The following EVPL variants were observed in gnomAD, a reference collection of about 807,000 sequenced individuals.
The protein encoded by EVPL is envoplakin.
In EVPL, 94 loss-of-function variants were observed where a neutral mutation model predicts 129.7. The observed-to-expected ratio is 0.72, with a 90% CI of 0.61 to 0.86. The LOEUF is 0.86. Ranked by LOEUF, EVPL falls within the 40% of genes least tolerant of loss-of-function variation. The pLI is 0.00. For missense variants in EVPL, 2,625 were observed against 2,721.1 expected (o/e 0.96, Z 0.79); for synonymous variants, 1,172 against 1,191.1 (o/e 0.98, Z 0.33).
chr17:76,015,941 C>A (rs1323021526), intron 14 of EVPL, among the ~76,000 whole-genome samples: 1 of 151,972 alleles, frequency 6.6e-6, no homozygotes, highest in Non-Finnish European at 1.5e-5. Flanking sequence ...GTCAGGAGAT[C>A]GAGACCAGCC....
chr17:76,021,258 G>C (rs994361273), intron 9 of EVPL, among the ~76,000 whole-genome samples: 9 of 152,138 alleles, frequency 5.9e-5, no homozygotes, highest in African/African-American at 1.9e-4. Context: ...GTTTCACCAT[G>C]TTGGCCAGGC....
Position 76,009,201 on chromosome 17 carries a change from T to C in EVPL, c.4004A>G (p.Gln1335Arg). 4 of 1,609,742 alleles carry C rather than the reference T, an allele frequency of 2.5e-6. No individual in the cohort carries two copies. Among genetic ancestry groups the C allele is most frequent in the Non-Finnish European group, 3.4e-6 (4 of 1,179,890 alleles). The change falls in exon 22 of 22, where the codon CAG becomes CGG. Residue 1335 changes from glutamine (Q) to arginine (R), a missense_variant. By Grantham distance (43) the Gln-to-Arg change is conservative (BLOSUM62 1). Around this residue, in one of 4 missense-constraint regions of EVPL, gnomAD observed 1,453 missense variants for 1,511.8 expected, o/e 0.96. Transcript: ENST00000301607. This position sits in a 1 kb window ranked among gnomAD's most constrained non-coding sequence, Gnocchi z 5.9. ...VLEKEAERLR[Q>R]EVREAAQKRR... ...CTTCTGGGCCGCCTCCCGCACCTCC[T>C]GGCGGAGCCGCTCTGCTTCTTTCTC...
chr17:76,007,638 T>C lies in EVPL; in HGVS notation c.5567A>G (p.Gln1856Arg). 1.2e-6 allele frequency: 2 copies of C among 1,613,880 alleles called. No homozygotes were observed. The highest frequency in any genetic ancestry group is 8.5e-7 in the Non-Finnish European group (1 of 1,180,032). Residue 1856 changes from glutamine (Q) to arginine (R), a missense_variant, in exon 22 of 22, where the codon CAG becomes CGG. Gln to Arg is a conservative substitution (Grantham distance 43, BLOSUM62 1). Transcript: ENST00000301607. The surrounding 1 kb of genome is among the most constrained non-coding windows in gnomAD (Gnocchi z 8.8). ...AKNMLDPITG[Q>R]KLLEAQAATG... is the part of the protein sequence containing the mutation. ...GGCCGCCTGGGCCTCCAGTAGCTTC[T>C]GCCCAGTGATGGGGTCCAGCATGTT...
At chr17:76,026,478 G>C (rs1409404375) in intron 1 of EVPL, among the ~76,000 whole-genome samples, 1 of 152,196 alleles carries the variant, frequency 6.6e-6, no homozygotes, top group Non-Finnish European at 1.5e-5. Flanking sequence ...GCCTCCTGAA[G>C]TTCGGGGATT....
chr17:76,013,035 C>T lies in EVPL; in HGVS notation c.2374-946G>A, dbSNP rs187435898. Among the ~76,000 whole-genome samples, 82 of 152,290 alleles carry T rather than the reference C, an allele frequency of 5.4e-4. No homozygotes were observed. The highest frequency in any genetic ancestry group is 3.7e-3 in the East Asian group (19 of 5,176). The stretch of plus-strand genomic sequence containing the variant: ...CTGGGATTACAGGCGTGAGCCACCG[C>T]GCCCGGCCTGAGAATTCATATTTCT... On this transcript the variant is annotated intron_variant, in intron 18 of 21. Coordinates refer to ENST00000301607, the MANE Select transcript of EVPL (RefSeq NM_001988.4). This position sits in a 1 kb window ranked among gnomAD's most constrained non-coding sequence, Gnocchi z 4.3.
intron 2 of EVPL, 103 bp downstream of exon 2, chr17:76,023,918 C>A: frequency 1.4e-6 from 2 of 1,436,802 alleles, no homozygotes; most frequent in Non-Finnish European, 9.6e-7. Context: ...TCTGTCCCAT[C>A]TTCACCATCA....
rs771615696 is a variant in EVPL, at chr17:76,019,538, T to C, written c.1127A>G (p.Gln376Arg). ...GTGGGGTTGTCTCACCTCCAGCTGT[T>C]GCAGCAGCTCTGTGGGGGCGCCAGG... ...GPPGAPTELL[Q>R]QLEAEEKRLA... The change falls in exon 10 of 22, where the codon CAA becomes CGA. Residue 376 changes from glutamine (Q) to arginine (R), a missense_variant. By Grantham distance (43) the Gln-to-Arg change is conservative. This residue lies in a region of EVPL where 1,024 missense variants were observed against 997.5 expected (regional missense o/e 1.03). Coordinates refer to ENST00000301607, the MANE Select transcript of EVPL (RefSeq NM_001988.4). 35 of 1,558,478 alleles carry C rather than the reference T, an allele frequency of 2.2e-5. No individual in the cohort carries two copies. The highest frequency in any genetic ancestry group is 2.9e-5 in the Non-Finnish European group (34 of 1,157,704).
rs756082838 is a variant in EVPL, at chr17:76,021,457, C to G, written c.1011+11G>C. On this transcript the variant is annotated intron_variant, in intron 9 of 21. Coordinates refer to ENST00000301607, the MANE Select transcript of EVPL (RefSeq NM_001988.4). ...GCCCCTGCCGCCCCTGCCGCCTGCCCGAGGGCTCACCCGGCGGTAGTCCTC... is the reference window on the plus strand; with the variant it reads ...GCCCCTGCCGCCCCTGCCGCCTGCCGGAGGGCTCACCCGGCGGTAGTCCTC... The G allele has an allele frequency of 1.0e-5, 16 of 1,602,994 alleles. No homozygotes were observed. The highest frequency in any genetic ancestry group is 1.7e-5 in the Admixed American group (1 of 58,944).
chr17:76,022,416 C>T lies in EVPL; in HGVS notation c.603G>A (p.Gly201=), dbSNP rs1165166464. ...AYGQQLRSLV[G]PDAATIRSQY... is the part of the protein sequence containing the mutation. The stretch of plus-strand genomic sequence containing the variant: ...GACATCCTCCAGGCTCACCTACCGG[C>T]CCCACGAGGCTCCGCAGCTGCTGCC... Residue 201 remains glycine, a synonymous_variant, in exon 5 of 22, where the codon GGG becomes GGA. Transcript: ENST00000301607. The surrounding 1 kb of genome is among the most constrained non-coding windows in gnomAD (Gnocchi z 5.6). 1.9e-6 allele frequency: 3 copies of T among 1,613,674 alleles called. No homozygotes were observed. In the East Asian group the frequency reaches 6.7e-5, roughly 36 times the overall value.
At chr17:76,018,833 G>T in intron 11 of EVPL, 81 bp downstream of exon 11, 7 of 1,430,310 alleles carry the variant, frequency 4.9e-6, no homozygotes, top group Non-Finnish European at 6.5e-6. Flanking sequence ...TGGGGATGGA[G>T]CAGGGATGGG....
In EVPL at chr17:76,013,519, C is replaced by T. The variant is rs151077618; in HGVS notation, c.2373+907G>A. Among the ~76,000 whole-genome samples, 31 of 152,276 alleles carry T rather than the reference C, an allele frequency of 2.0e-4. No homozygotes were observed. In the East Asian group the frequency reaches 3.3e-3, roughly 16 times the overall value. On this transcript the variant is annotated intron_variant, in intron 18 of 21. Coordinates refer to ENST00000301607, the MANE Select transcript of EVPL (RefSeq NM_001988.4). The surrounding 1 kb of genome is among the most constrained non-coding windows in gnomAD (Gnocchi z 4.3). ...AAATATGCTCTGTTTCCTGTGTTCCCGCCTCAAGTGGAGGTGCCCCCTCTT... is the reference window on the plus strand; with the variant it reads ...AAATATGCTCTGTTTCCTGTGTTCCTGCCTCAAGTGGAGGTGCCCCCTCTT...
chr17:76,016,147 A>G (rs150814338), intron 14 of EVPL, among the ~76,000 whole-genome samples: 1 of 152,274 alleles, frequency 6.6e-6, no homozygotes, highest in African/African-American at 2.4e-5. Context: ...CTCCATCTCA[A>G]AAAAATAAAA....
rs201545743 is a variant in EVPL, at chr17:76,011,755, G to A, written c.2568+17C>T. 360 of 1,610,550 alleles carry A rather than the reference G, an allele frequency of 2.2e-4. No individual in the cohort carries two copies. In the East Asian group the frequency reaches 3.8e-3, roughly 17 times the overall value. On this transcript the variant is annotated intron_variant, in intron 20 of 21. Transcript: ENST00000301607. ...CTGGTGTCAAGGTCCACTGAGCCCCGCAAGGTCCCATCTCACCTGGGCTTG... is the reference window on the plus strand; with the variant it reads ...CTGGTGTCAAGGTCCACTGAGCCCCACAAGGTCCCATCTCACCTGGGCTTG...
intron 1 of EVPL, among the ~76,000 whole-genome samples, chr17:76,025,385 T>A (rs2066491606): frequency 6.6e-6 from 1 of 152,126 alleles, no homozygotes; most frequent in African/African-American, 2.4e-5. Context: ...AAGTGCTCAG[T>A]AAGTTCATGT....
Position 76,017,838 on chromosome 17 carries a change from G to T in EVPL, c.1611C>A (p.Asp537Glu). ...LLTQMTRLDG[D>E]LGQIERQVLA... ...GCACCTGCCTCTCTATCTGTCCCAG[G>T]TCTCCATCCAGCCGGGTCATCTGTG... The change falls in exon 14 of 22, where the codon GAC (aspartate) becomes GAA (glutamate). Residue 537 changes from aspartate to glutamate, a missense_variant. This residue lies in a region of EVPL where 1,024 missense variants were observed against 997.5 expected (regional missense o/e 1.03). Coordinates refer to ENST00000301607, the MANE Select transcript of EVPL (RefSeq NM_001988.4). 1 of 1,614,022 alleles carries T rather than the reference G, an allele frequency of 6.2e-7. No homozygotes were observed. Among genetic ancestry groups the T allele is most frequent in the South Asian group, 1.1e-5 (1 of 91,088 alleles).
At position 76,024,082 on chromosome 17, in the gene EVPL, A is replaced by C; in HGVS notation, c.137T>G (p.Met46Arg). The change falls in exon 2 of 22, where the codon ATG (methionine) becomes AGG (arginine). Residue 46 changes from methionine (M) to arginine (R), a missense_variant. Transcript: ENST00000301607. The surrounding 1 kb of genome is among the most constrained non-coding windows in gnomAD (Gnocchi z 4.5). ...CTCCACCTGGTCGGCGTTGGCTTGC[A>C]TGCGGGAGATGAGAAGGGCCAGCTC... ...TQELALLISR[M>R]QANADQVERD... 6.2e-7 allele frequency: 1 copy of C among 1,613,862 alleles called. No homozygotes were observed. Among genetic ancestry groups the C allele is most frequent in the Non-Finnish European group, 8.5e-7 (1 of 1,179,956 alleles).
intron 19 of EVPL, 57 bp downstream of exon 19, chr17:76,011,949 T>TG: frequency 6.2e-7 from 1 of 1,601,346 alleles, no homozygotes; most frequent in Non-Finnish European, 8.5e-7. Context: ...GGGATAGGGC[T>TG]GGAAGAGGGA....
intron 7 of EVPL, 37 bp downstream of exon 7, chr17:76,021,830 G>A: frequency 1.3e-6 from 2 of 1,567,306 alleles, no homozygotes; most frequent in East Asian, 4.7e-5. Flanking sequence ...GGATGGCCCT[G>A]GCCGCCCCCA....
chr17:76,014,329 T>A, intron 18 of EVPL, 97 bp downstream of exon 18: 1 of 1,463,302 alleles, frequency 6.8e-7, no homozygotes, highest in Non-Finnish European at 9.0e-7. Context: ...GCCCAGGGCC[T>A]CCGTGGCCTG....
Sources: allele counts gnomAD v4.1 joint callset (sites outside exome capture counted in the v4.1 genomes callset), GRCh38; gene constraint gnomAD v4.1.1; regional missense constraint gnomAD v4.1.1; non-coding constraint Gnocchi (gnomAD v3.1); transcripts MANE v1.5; gene names NCBI Gene and HGNC (gene_info 2026-07-23, HGNC 2026-07-21).